GFPT2: variants seen among roughly 807,000 people sequenced by gnomAD.
GFPT2 encodes the protein glutamine--fructose-6-phosphate transaminase 2.
GFPT2 carries 62 observed loss-of-function variants against 85.6 expected under a neutral mutation model. That is an observed-to-expected ratio of 0.72 (90% CI 0.59 to 0.90). The LOEUF is 0.90. Among genes scored for constraint, GFPT2 ranks in the 40% least tolerant of loss-of-function variants. The probability of loss-of-function intolerance (pLI) is 0.00; values close to 1 mark genes in which losing one functional copy is unlikely to be tolerated. For synonymous variants in GFPT2, 368 were observed against 344.5 expected, an observed-to-expected ratio of 1.07 and a Z score of -0.75; for missense variants, 788 against 893.4, an observed-to-expected ratio of 0.88 and a Z score of 1.50.
At chr5:180,345,260 G>A (rs544287300) in intron 1 of GFPT2, among the ~76,000 whole-genome samples, 17 of 152,384 alleles carry the variant, frequency 1.1e-4, no homozygotes, top group African/African-American at 3.1e-4. Flanking sequence ...AACCAAATGC[G>A]TTACTTGGTT....
intron 1 of GFPT2, chr5:180,352,618 G>A (rs771237796): frequency 1.6e-5 from 7 of 449,262 alleles, no homozygotes; most frequent in South Asian, 1.1e-4. Context: ...CAAAGAGGCG[G>A]TAACGCGGCA....
chr5:180,318,724 A>AGT lies in GFPT2; in HGVS notation c.958+67_958+68dup, dbSNP rs1167025117. 3 of 1,337,978 alleles carry AGT rather than the reference A, an allele frequency of 2.2e-6. No individual in the cohort carries two copies. Among genetic ancestry groups the AGT allele is most frequent in the Non-Finnish European group, 2.1e-6 (2 of 947,042 alleles). 82.9% of individuals were successfully genotyped at this position (1,337,978 alleles called of 1,614,324 possible). On this transcript the variant is annotated intron_variant, in intron 10 of 18. Coordinates refer to ENST00000253778, the MANE Select transcript of GFPT2 (RefSeq NM_005110.4). The surrounding 1 kb of genome is among the most constrained non-coding windows in gnomAD (Gnocchi z 4.2). The stretch of plus-strand genomic sequence containing the variant: ...TGTGGCCTCTACTAGGACCAGGCAG[A>AGT]GTGTCAGGAGCTCCACCAGGCGCGC...
At chr5:180,308,470 T>A (rs868752335) in intron 15 of GFPT2, among the ~76,000 whole-genome samples, 1 of 152,206 alleles carries the variant, frequency 6.6e-6, no homozygotes, top group Non-Finnish European at 1.5e-5. Flanking sequence ...TCACATTCAA[T>A]CTGTGGTGAT....
chr5:180,324,624 A>C (rs929031189), intron 8 of GFPT2, 192 bp downstream of exon 8: 6 of 599,158 alleles, frequency 1.0e-5, no homozygotes, highest in Non-Finnish European at 1.8e-5. Context: ...CATGTCCATG[A>C]TAAAAAGCTT....
At position 180,317,004 on chromosome 5, in the gene GFPT2, A is replaced by T; in HGVS notation, c.1013T>A (p.Phe338Tyr). ...ATTCACCCGACCTCTCATAGTATTG[A>T]AAACTGATTCTGGCTGTTCGAAGAT... ...KEIFEQPESV[F>Y]NTMRGRVNFE... The change falls in exon 11 of 19, where the codon TTC becomes TAC. Residue 338 changes from phenylalanine (F) to tyrosine (Y), a missense_variant. By Grantham distance (22) the Phe-to-Tyr change is conservative. Coordinates refer to ENST00000253778, the MANE Select transcript of GFPT2 (RefSeq NM_005110.4). The T allele has an allele frequency of 6.2e-7, 1 of 1,612,596 alleles. No homozygotes were observed. Among genetic ancestry groups the T allele is most frequent in the African/African-American group, 1.3e-5 (1 of 75,032 alleles).
chr5:180,339,841 CCTCA>C (rs1244127137), intron 1 of GFPT2, among the ~76,000 whole-genome samples: 11 of 152,238 alleles, frequency 7.2e-5, no homozygotes, highest in Admixed American at 7.2e-4. Flanking sequence ...TCTTTGTATT[CCTCA>C]CTGTGTGTTG....
At position 180,353,191 on chromosome 5, in the gene GFPT2, C is replaced by T. The variant is rs887028891; in HGVS notation, c.7+20G>A. On this transcript the variant is annotated intron_variant, in intron 1 of 18. Transcript: ENST00000253778. Reference sequence around the variant, plus strand: ...CGCGGACGGCGTGGAGGAGGCGGCTCGGGCGGGCGCGGCACTCACCGCACA... The same window carrying T: ...CGCGGACGGCGTGGAGGAGGCGGCTTGGGCGGGCGCGGCACTCACCGCACA... 8.1e-7 allele frequency: 1 copy of T among 1,234,764 alleles called. No homozygotes were observed. The allele number at this position is 1,234,764 out of a possible 1,614,324, so 76.5% of individuals were successfully genotyped here.
chr5:180,351,145 C>A (rs1353656891), intron 1 of GFPT2, among the ~76,000 whole-genome samples: 1 of 152,164 alleles, frequency 6.6e-6, no homozygotes, highest in South Asian at 2.1e-4. Context: ...CAAAAGAAAA[C>A]AACCATAAAA....
At chr5:180,352,341 A>G (rs77813287) in intron 1 of GFPT2, 142 of 131,946 alleles carry the variant, frequency 1.1e-3, no homozygotes, top group South Asian at 8.1e-3. Context: ...TACTCAAGGA[A>G]AAAAAAAAAA....
At position 180,309,428 on chromosome 5, in the gene GFPT2, T is replaced by C. The variant is rs1266566630; in HGVS notation, c.1547-2125A>G. Among the ~76,000 whole-genome samples, 5 of 150,948 alleles carry C rather than the reference T, an allele frequency of 3.3e-5. No homozygotes were observed. The East Asian group carries it at 9.9e-4, about 30-fold the overall frequency. On this transcript the variant is annotated intron_variant, in intron 15 of 18. Coordinates refer to ENST00000253778, the MANE Select transcript of GFPT2 (RefSeq NM_005110.4). The stretch of plus-strand genomic sequence containing the variant: ...TTCAGTGTAGAGCAGAAAGGCTTTT[T>C]CTCTTTTTCCAGACGGAGTTTTGCT...
At chr5:180,316,539 G>A in intron 12 of GFPT2, 78 bp from the exon 13 acceptor site, 1 of 1,482,678 alleles carries the variant, frequency 6.7e-7, no homozygotes, top group South Asian at 1.2e-5. Flanking sequence ...GGCTTCTAGG[G>A]ACAGTTTGTG....
At chr5:180,349,640 G>C (rs1374152083) in intron 1 of GFPT2, among the ~76,000 whole-genome samples, 1 of 152,054 alleles carries the variant, frequency 6.6e-6, no homozygotes, top group Admixed American at 6.5e-5. Context: ...AGAGCCTCTG[G>C]AGGAGGCTCA....
In GFPT2 at chr5:180,307,140, C is replaced by T. The variant is rs778202300; in HGVS notation, c.1674+36G>A. 6.6e-6 allele frequency: 10 copies of T among 1,525,154 alleles called. No individual in the cohort carries two copies. The East Asian group carries it at 1.5e-4, about 22-fold the overall frequency. The allele number at this position is 1,525,154 out of a possible 1,614,324, so 94.5% of individuals were successfully genotyped here. Reference sequence around the variant, plus strand: ...GCTCCTCAGGGTCTCCTGTGCCTGTCCTCCGTGGGGGTGGGGGCTGGGGGT... The same window carrying T: ...GCTCCTCAGGGTCTCCTGTGCCTGTTCTCCGTGGGGGTGGGGGCTGGGGGT... On this transcript the variant is annotated intron_variant, in intron 16 of 18. Coordinates refer to ENST00000253778, the MANE Select transcript of GFPT2 (RefSeq NM_005110.4).
Position 180,318,502 on chromosome 5 carries a change from G to C in GFPT2, c.958+291C>G, listed in dbSNP as rs140624711. ...CAGAGGAGAAATGATGCCTGAGGGT[G>C]GGCATGTGTCCCGCGGAGTCGGTGA... On this transcript the variant is annotated intron_variant, in intron 10 of 18. Coordinates refer to ENST00000253778, the MANE Select transcript of GFPT2 (RefSeq NM_005110.4). The surrounding 1 kb of genome is among the most constrained non-coding windows in gnomAD (Gnocchi z 4.2). 7.8e-6 allele frequency: 3 copies of C among 383,462 alleles called. No individual in the cohort carries two copies. Among genetic ancestry groups the C allele is most frequent in the Non-Finnish European group, 1.5e-5 (3 of 205,592 alleles). The allele number at this position is 383,462 out of a possible 1,614,324, so 23.8% of individuals were successfully genotyped here. A position where few individuals can be genotyped will look rare whatever the true frequency, so the allele number is the denominator to read the frequency against.
intron 4 of GFPT2, among the ~76,000 whole-genome samples, chr5:180,332,217 CTGATCCTG>C (rs1315919803): frequency 7.1e-6 from 1 of 140,366 alleles, no homozygotes; most frequent in Admixed American, 7.0e-5. Context: ...TAGCACCCCG[CTGATCCTG>C]GCGGGGAGGT....
chr5:180,309,233 C>A (rs1763832635), intron 15 of GFPT2, among the ~76,000 whole-genome samples: 1 of 152,136 alleles, frequency 6.6e-6, no homozygotes, highest in African/African-American at 2.4e-5. Context: ...TGTTTTCTAA[C>A]ACTCAAAAGT....
At chr5:180,345,886 G>A (rs1291300442) in intron 1 of GFPT2, among the ~76,000 whole-genome samples, 1 of 152,184 alleles carries the variant, frequency 6.6e-6, no homozygotes, top group Non-Finnish European at 1.5e-5. Flanking sequence ...AGGTCCCTGA[G>A]TGCCAGACCC....
intron 15 of GFPT2, among the ~76,000 whole-genome samples, chr5:180,308,548 G>A (rs12518499): frequency 0.31 from 47,572 of 151,982 alleles, 7,677 homozygotes; most frequent in East Asian, 0.45. Context: ...TTGGAAAAGC[G>A]AGGAGTATTT....
At chr5:180,312,312 G>C in intron 15 of GFPT2, 118 bp downstream of exon 15, 1 of 673,330 alleles carries the variant, frequency 1.5e-6, no homozygotes, top group Non-Finnish European at 2.7e-6. Flanking sequence ...GGGGAAGCTA[G>C]GAAGTTTTAG....
Sources: allele counts gnomAD v4.1 joint callset (sites outside exome capture counted in the v4.1 genomes callset), GRCh38; gene constraint gnomAD v4.1.1; non-coding constraint Gnocchi (gnomAD v3.1); transcripts MANE v1.5; gene names NCBI Gene and HGNC (gene_info 2026-07-23, HGNC 2026-07-21).